WAC: variants seen among roughly 807,000 people sequenced by gnomAD.
WAC encodes WW domain containing adaptor with coiled-coil, also known as WW domain-containing adapter protein with coiled-coil.
A neutral mutation model predicts 79.6 loss-of-function variants in WAC; 11 were observed. The ratio of observed to expected loss-of-function variants is 0.14; its 90% confidence interval spans 0.09 to 0.23. WAC has a LOEUF of 0.23. Ranked by LOEUF, WAC falls within the 10% of genes least tolerant of loss-of-function variation. WAC has a pLI of 1.00. For missense variants in WAC, 728 were observed against 773.5 expected (o/e 0.94, Z 0.70); for synonymous variants, 304 against 276.9 (o/e 1.10, Z -0.97).
At chr10:28,577,809 A>C (rs529383467) in intron 3 of WAC, among the ~76,000 whole-genome samples, 1 of 152,108 alleles carries the variant, frequency 6.6e-6, no homozygotes. Context: ...TTTGTTTCCC[A>C]ATGTGTGGCC....
chr10:28,540,613 C>T (rs532787748), intron 3 of WAC, among the ~76,000 whole-genome samples: 42 of 152,246 alleles, frequency 2.8e-4, no homozygotes, highest in African/African-American at 8.7e-4. Flanking sequence ...GACTTGTTTA[C>T]GAAGTGGAAA....
chr10:28,544,562 G>A (rs1837248655), intron 3 of WAC, among the ~76,000 whole-genome samples: 1 of 152,162 alleles, frequency 6.6e-6, no homozygotes, highest in South Asian at 2.1e-4. Flanking sequence ...TCTTATTTCT[G>A]TGATTAAATT....
At chr10:28,549,539 C>A (rs1053831640) in intron 3 of WAC, among the ~76,000 whole-genome samples, 1 of 152,178 alleles carries the variant, frequency 6.6e-6, no homozygotes, top group African/African-American at 2.4e-5. Context: ...ACTTCCAGAA[C>A]TCATTGCCCT....
chr10:28,583,367 T>G (rs758922418), intron 3 of WAC, 32 bp from the exon 4 acceptor site: 1 of 1,457,368 alleles, frequency 6.9e-7, no homozygotes, highest in East Asian at 2.3e-5. Context: ...TACAGTTTAC[T>G]TGTAATTCAC....
At chr10:28,599,958 C>G (rs2132734699) in intron 7 of WAC, among the ~76,000 whole-genome samples, 1 of 152,136 alleles carries the variant, frequency 6.6e-6, no homozygotes, top group East Asian at 1.9e-4. Context: ...CAGTTGGCAC[C>G]CAAATGGCCA....
intron 10 of WAC, 28 bp downstream of exon 10, chr10:28,611,950 A>G: frequency 1.3e-6 from 2 of 1,599,010 alleles, no homozygotes; most frequent in East Asian, 2.2e-5. Flanking sequence ...GACATTCGGA[A>G]AAGAAACTAC....
At chr10:28,556,388 A>ATTTTTTTTTTTTTTTTT (rs764934182) in intron 3 of WAC, among the ~76,000 whole-genome samples, 17 of 55,048 alleles carry the variant, frequency 3.1e-4, no homozygotes, top group Admixed American at 6.6e-4. Flanking sequence ...TGCCCATTAA[A>ATTTTTTTTTTTTTTTTT]TTTTTTTTTT....
chr10:28,548,673 A>G (rs1314094771), intron 3 of WAC, among the ~76,000 whole-genome samples: 2 of 151,978 alleles, frequency 1.3e-5, no homozygotes, highest in Non-Finnish European at 2.9e-5. Context: ...AGTTTGGTGC[A>G]TCATACCCGT....
chr10:28,550,249 T>G (rs767583938), intron 3 of WAC, among the ~76,000 whole-genome samples: 23 of 151,854 alleles, frequency 1.5e-4, no homozygotes, highest in Non-Finnish European at 2.9e-4. Flanking sequence ...CTGCCTTCTC[T>G]ATAATCTAGT....
At chr10:28,554,743 A>C (rs555844431) in intron 3 of WAC, among the ~76,000 whole-genome samples, 1 of 152,098 alleles carries the variant, frequency 6.6e-6, no homozygotes, top group East Asian at 1.9e-4. Flanking sequence ...ACAGTGGCCA[A>C]CTCCTATGTC....
rs576448206 is a variant in WAC at position 28,568,927 on chromosome 10, G to T, written c.275-14472G>T. The stretch of plus-strand genomic sequence containing the variant: ...AACACCCAGATAAATAGTAATTAGA[G>T]AACATATATGTCCCTGTGATTACAT... On this transcript the variant is annotated intron_variant, in intron 3 of 13. Transcript: ENST00000354911. 3.3e-5 allele frequency among the ~76,000 whole-genome samples: 5 copies of T among 152,270 alleles called. No homozygotes were observed. The South Asian group carries it at 1.0e-3, about 32-fold the overall frequency.
Position 28,533,507 on chromosome 10 carries a change from C to T in WAC, c.-73C>T. On this transcript the variant is annotated 5_prime_UTR_variant, in exon 1 of 14. Coordinates refer to ENST00000354911, the MANE Select transcript of WAC (RefSeq NM_016628.5). ...GGCTGCCCGCCGCCCGCCGCCGCCG[C>T]CGCCTGCGCGCCCGCCCGCCTTTCG... 9.3e-7 allele frequency: 1 copy of T among 1,072,300 alleles called. No individual in the cohort carries two copies. Among genetic ancestry groups the T allele is most frequent in the Non-Finnish European group, 1.2e-6 (1 of 856,954 alleles). The allele number at this position is 1,072,300 out of a possible 1,614,324, so 66.4% of individuals were successfully genotyped here.
At chr10:28,600,586 TTAAC>T (rs1554788991) in intron 7 of WAC, among the ~76,000 whole-genome samples, 2 of 152,118 alleles carry the variant, frequency 1.3e-5, no homozygotes, top group Non-Finnish European at 2.9e-5. Context: ...GTCATTAAAT[TTAAC>T]TAGGTTTAGT....
At chr10:28,540,668 C>T (rs1039968610) in intron 3 of WAC, among the ~76,000 whole-genome samples, 4 of 152,098 alleles carry the variant, frequency 2.6e-5, no homozygotes, top group Admixed American at 6.5e-5. Context: ...TTTAATAATA[C>T]GTTTGACTGA....
intron 3 of WAC, among the ~76,000 whole-genome samples, chr10:28,555,393 G>T (rs1473863782): frequency 6.6e-6 from 1 of 151,818 alleles, no homozygotes; most frequent in Non-Finnish European, 1.5e-5. Flanking sequence ...TTACATTAGA[G>T]AAAATGTTAT....
At chr10:28,537,156 T>C (rs1387917923) in intron 3 of WAC, among the ~76,000 whole-genome samples, 2 of 152,252 alleles carry the variant, frequency 1.3e-5, no homozygotes, top group Non-Finnish European at 2.9e-5. Flanking sequence ...AATGTAGTTA[T>C]AGCTTAGTGC....
chr10:28,602,947 C>G (rs1840710735), intron 7 of WAC, among the ~76,000 whole-genome samples: 1 of 152,128 alleles, frequency 6.6e-6, no homozygotes, highest in African/African-American at 2.4e-5. Flanking sequence ...ATATTTACAG[C>G]ACATATCAAA....
At chr10:28,606,582 A>G (rs1343507313) in intron 7 of WAC, among the ~76,000 whole-genome samples, 1 of 152,192 alleles carries the variant, frequency 6.6e-6, no homozygotes, top group Admixed American at 6.5e-5. Context: ...GAGAGCTATT[A>G]TCCCTAGTTC....
intron 3 of WAC, among the ~76,000 whole-genome samples, chr10:28,573,212 T>G (rs193258523): frequency 2.8e-3 from 424 of 152,288 alleles, no homozygotes; most frequent in African/African-American, 9.7e-3. Context: ...TTCCTGATTA[T>G]TTTTAAAAAT....
Sources: gnomAD v4.1 joint callset for allele counts (sites outside exome capture counted in the v4.1 genomes callset) on GRCh38, gnomAD v4.1.1 for gene constraint, MANE v1.5 for transcripts, NCBI Gene and HGNC (gene_info 2026-07-23, HGNC 2026-07-21) for gene names.